Variants in PXDNL observed in about 807,000 individuals in gnomAD.
PXDNL encodes peroxidasin like, also known as probable oxidoreductase PXDNL.
A neutral mutation model predicts 150.8 loss-of-function variants in PXDNL; 145 were observed. The ratio of observed to expected loss-of-function variants is 0.96; its 90% CI spans 0.84 to 1.10. PXDNL has a LOEUF of 1.10. Ranked by LOEUF, PXDNL falls within the 50% of genes least tolerant of loss-of-function variation. PXDNL has a pLI of 0.00. For synonymous variants in PXDNL, 757 were observed against 725.7 expected (o/e 1.04, Z -0.69); for missense variants, 2,087 against 1,873.9 (o/e 1.11, Z -2.10).
intron 2 of PXDNL, among the ~76,000 whole-genome samples, chr8:51,617,986 G>T (rs1359833569): frequency 1.3e-5 from 2 of 152,252 alleles, no homozygotes; most frequent in African/African-American, 2.4e-5. Context: ...GGATTTCCAA[G>T]TGGTTATAAA....
chr8:51,590,586 G>T (rs1288089290), intron 3 of PXDNL, among the ~76,000 whole-genome samples: 10 of 152,212 alleles, frequency 6.6e-5, no homozygotes, highest in African/African-American at 2.2e-4. Flanking sequence ...GAAGTCTAAG[G>T]TTTAACATTG....
intron 4 of PXDNL, among the ~76,000 whole-genome samples, chr8:51,517,313 A>G (rs1811562684): frequency 6.6e-6 from 1 of 152,232 alleles, no homozygotes; most frequent in South Asian, 2.1e-4. Flanking sequence ...AATGAAATAT[A>G]GATGCCATAT....
intron 20 of PXDNL, among the ~76,000 whole-genome samples, chr8:51,340,783 A>G (rs1310079318): frequency 1.3e-5 from 2 of 152,260 alleles, no homozygotes; most frequent in African/African-American, 2.4e-5. Context: ...ACCATGAATC[A>G]GTACTGACCA....
intron 1 of PXDNL, among the ~76,000 whole-genome samples, chr8:51,769,266 C>A (rs1421709866): frequency 6.6e-6 from 1 of 152,192 alleles, no homozygotes; most frequent in Non-Finnish European, 1.5e-5. Context: ...AGTTGAGACC[C>A]AGAATCAGAT....
intron 12 of PXDNL, among the ~76,000 whole-genome samples, chr8:51,444,905 A>T (rs1737420311): frequency 8.0e-6 from 1 of 124,608 alleles, no homozygotes; most frequent in African/African-American, 3.8e-5. Flanking sequence ...AACAAATATT[A>T]TTTTTCTATT....
At chr8:51,448,531 C>T (rs562176556) in intron 11 of PXDNL, among the ~76,000 whole-genome samples, 2 of 152,138 alleles carry the variant, frequency 1.3e-5, no homozygotes, top group East Asian at 1.9e-4. Context: ...GGTGAAACCC[C>T]GTCTCTATTA....
chr8:51,759,028 T>C (rs1387734385), intron 1 of PXDNL, among the ~76,000 whole-genome samples: 1 of 152,186 alleles, frequency 6.6e-6, no homozygotes, highest in East Asian at 1.9e-4. Flanking sequence ...AAGCATTTCC[T>C]GGGGCTGGAA....
chr8:51,645,935 G>C lies in PXDNL; in HGVS notation c.236+8754C>G, dbSNP rs1475691329. On this transcript the variant is annotated intron_variant, in intron 2 of 22. Coordinates refer to ENST00000356297, the MANE Select transcript of PXDNL (RefSeq NM_144651.5). ...TGAAGGTGAGTGTAAGGAAAGTGCT[G>C]CGTGCTGAGCTGTGAGGCATTGCAG... Among the ~76,000 whole-genome samples, 6 of 152,174 alleles carry C rather than the reference G, an allele frequency of 3.9e-5. No homozygotes were observed. The East Asian group carries it at 1.2e-3, about 30-fold the overall frequency.
At chr8:51,455,317 G>T (rs1026237371) in intron 9 of PXDNL, among the ~76,000 whole-genome samples, 3 of 152,026 alleles carry the variant, frequency 2.0e-5, no homozygotes, top group Non-Finnish European at 2.9e-5. Context: ...GGAGAGTAAT[G>T]ATACCAATAG....
At chr8:51,407,954 C>G in intron 17 of PXDNL, 113 bp downstream of exon 17, 1 of 836,858 alleles carries the variant, frequency 1.2e-6, no homozygotes, top group Non-Finnish European at 1.8e-6. Context: ...ATAACAAGTA[C>G]TAAAAGCTCT....
intron 19 of PXDNL, among the ~76,000 whole-genome samples, chr8:51,365,683 G>A (rs1806893396): frequency 1.3e-5 from 2 of 152,346 alleles, no homozygotes; most frequent in South Asian, 2.1e-4. Context: ...GTGATCATGA[G>A]AACATCGTAG....
chr8:51,579,722 A>G (rs1813163320), intron 3 of PXDNL, among the ~76,000 whole-genome samples: 1 of 152,116 alleles, frequency 6.6e-6, no homozygotes, highest in Non-Finnish European at 1.5e-5. Context: ...GAAATAACTC[A>G]GATGTCTTTC....
Position 51,661,107 on chromosome 8 carries a change from G to A in PXDNL, c.165-6347C>T, listed in dbSNP as rs567274997. Among the ~76,000 whole-genome samples, 4 of 152,282 alleles carry A rather than the reference G, an allele frequency of 2.6e-5. No individual in the cohort carries two copies. The East Asian group carries it at 7.7e-4, about 29-fold the overall frequency. ...CTTCATCATTTCATTTGACAGCCCTGTCATTGTAGAAATTGGAAATACATT... is the reference window on the plus strand; with the variant it reads ...CTTCATCATTTCATTTGACAGCCCTATCATTGTAGAAATTGGAAATACATT... On this transcript the variant is annotated intron_variant, in intron 1 of 22. Coordinates refer to ENST00000356297, the MANE Select transcript of PXDNL (RefSeq NM_144651.5).
At chr8:51,729,879 G>A (rs1205828757) in intron 1 of PXDNL, among the ~76,000 whole-genome samples, 2 of 152,170 alleles carry the variant, frequency 1.3e-5, no homozygotes, top group Non-Finnish European at 2.9e-5. Context: ...AAGCCAATCT[G>A]AAAAGGCTAT....
intron 19 of PXDNL, among the ~76,000 whole-genome samples, chr8:51,352,399 G>T (rs1289710237): frequency 6.6e-6 from 1 of 152,076 alleles, no homozygotes; most frequent in Non-Finnish European, 1.5e-5. Context: ...AATATGGTTT[G>T]GCTGTGTGTC....
intron 19 of PXDNL, among the ~76,000 whole-genome samples, chr8:51,364,658 T>C (rs1302637463): frequency 1.3e-5 from 2 of 152,202 alleles, no homozygotes; most frequent in Non-Finnish European, 2.9e-5. Flanking sequence ...CCAGTGTAAG[T>C]GAGAAATGTT....
intron 17 of PXDNL, among the ~76,000 whole-genome samples, chr8:51,402,293 G>C (rs751161095): frequency 6.6e-6 from 1 of 152,144 alleles, no homozygotes; most frequent in South Asian, 2.1e-4. Context: ...ACTTTGGGAG[G>C]CTGAAGCAGA....
intron 19 of PXDNL, among the ~76,000 whole-genome samples, chr8:51,348,417 C>A (rs1806227529): frequency 6.6e-6 from 1 of 152,166 alleles, no homozygotes; most frequent in South Asian, 2.1e-4. Context: ...AGTGACATGG[C>A]AGGTTTCTTG....
At chr8:51,672,334 T>C (rs943643260) in intron 1 of PXDNL, among the ~76,000 whole-genome samples, 4 of 152,136 alleles carry the variant, frequency 2.6e-5, no homozygotes, top group African/African-American at 9.7e-5. Context: ...GCAAACATAA[T>C]AGAAGTGGCT....
Sources: allele counts gnomAD v4.1 joint callset (sites outside exome capture counted in the v4.1 genomes callset), GRCh38; gene constraint gnomAD v4.1.1; transcripts MANE v1.5; gene names NCBI Gene and HGNC (gene_info 2026-07-23, HGNC 2026-07-21).